Variants in TMEM244 observed in about 807,000 individuals in gnomAD.
TMEM244 encodes the protein transmembrane protein 244.
Under a neutral mutation model 15.8 loss-of-function variants are expected in TMEM244, and 13 were observed. The observed-to-expected ratio is 0.82, with a 90% CI of 0.53 to 1.30. The LOEUF (loss-of-function observed/expected upper bound fraction) is 1.30. TMEM244 is among the 50% of genes most tolerant of loss of function. TMEM244 has a pLI of 0.00. For synonymous variants in TMEM244, 45 were observed against 48.7 expected (o/e 0.92, Z 0.32); for missense variants, 161 against 144.9 (o/e 1.11, Z -0.57).
chr6:129,850,974 T>C (rs1050484480), intron 1 of TMEM244, among the ~76,000 whole-genome samples: 1 of 152,194 alleles, frequency 6.6e-6, no homozygotes, highest in Non-Finnish European at 1.5e-5. Flanking sequence ...ATTGACTCTT[T>C]ATTGAAGGAT....
intron 1 of TMEM244, among the ~76,000 whole-genome samples, chr6:129,848,718 G>A (rs763252647): frequency 7.9e-5 from 12 of 152,174 alleles, no homozygotes; most frequent in Non-Finnish European, 1.6e-4. Context: ...GTAATAGGGA[G>A]CATCTTGGAG....
At chr6:129,852,920 C>T (rs1418137698) in intron 1 of TMEM244, among the ~76,000 whole-genome samples, 1 of 152,134 alleles carries the variant, frequency 6.6e-6, no homozygotes, top group Non-Finnish European at 1.5e-5. Flanking sequence ...ACCTGGTGCT[C>T]CTCAGGTAGA....
chr6:129,833,517 A>G lies in TMEM244; in HGVS notation c.262T>C (p.Trp88Arg). The G allele has an allele frequency of 1.2e-6, 2 of 1,613,426 alleles. No individual in the cohort carries two copies. Among genetic ancestry groups the G allele is most frequent in the South Asian group, 1.1e-5 (1 of 91,032 alleles). The change falls in exon 4 of 5, where the codon TGG (tryptophan) becomes CGG (arginine). Residue 88 changes from tryptophan to arginine, a missense_variant. Transcript: ENST00000368143. ...ACTGAAATAGCATAATCCCAAACCC[A>G]TTCTTCCACAACTGGAACAAAAAAC... Reference protein sequence around the residue: ...GLFFVPVVEEWVWDYAISVTI... With the variant: ...GLFFVPVVEERVWDYAISVTI...
chr6:129,858,243 T>G (rs1302551772), intron 1 of TMEM244, among the ~76,000 whole-genome samples: 1 of 152,210 alleles, frequency 6.6e-6, no homozygotes, highest in Non-Finnish European at 1.5e-5. Context: ...AAAACTTTCT[T>G]GTGGCTTTTC....
intron 1 of TMEM244, among the ~76,000 whole-genome samples, chr6:129,855,225 T>C (rs1345898056): frequency 6.6e-6 from 1 of 152,166 alleles, no homozygotes; most frequent in Non-Finnish European, 1.5e-5. Context: ...AAGAAACACA[T>C]ACCCAAACTT....
intron 2 of TMEM244, among the ~76,000 whole-genome samples, chr6:129,844,258 T>C (rs906011311): frequency 6.6e-6 from 1 of 152,196 alleles, no homozygotes. Flanking sequence ...TCCAATTAAG[T>C]TCCACTTTGT....
At chr6:129,858,789 G>A (rs1470658890) in intron 1 of TMEM244, among the ~76,000 whole-genome samples, 2 of 146,734 alleles carry the variant, frequency 1.4e-5, no homozygotes, top group Non-Finnish European at 3.0e-5. Context: ...ACTATAGTAG[G>A]AACCATAGTC....
intron 1 of TMEM244, among the ~76,000 whole-genome samples, chr6:129,846,961 A>C (rs955414339): frequency 1.3e-5 from 2 of 152,222 alleles, no homozygotes; most frequent in African/African-American, 4.8e-5. Flanking sequence ...AAATCCCATT[A>C]GATTCCAGTC....
At chr6:129,849,774 G>T (rs1242846507) in intron 1 of TMEM244, among the ~76,000 whole-genome samples, 1 of 152,022 alleles carries the variant, frequency 6.6e-6, no homozygotes, top group Admixed American at 6.6e-5. Context: ...AATGAGTCAA[G>T]AAATGGCTGC....
chr6:129,837,360 A>G (rs929081588), intron 3 of TMEM244, among the ~76,000 whole-genome samples: 1 of 152,224 alleles, frequency 6.6e-6, no homozygotes, highest in African/African-American at 2.4e-5. Context: ...AATCCTTTAC[A>G]GAGAAGCAAA....
At chr6:129,839,422 C>A (rs542006189) in intron 3 of TMEM244, among the ~76,000 whole-genome samples, 1 of 152,106 alleles carries the variant, frequency 6.6e-6, no homozygotes, top group African/African-American at 2.4e-5. Context: ...ATTGATGGAA[C>A]GCGTCTCAAA....
chr6:129,835,699 C>T (rs1776395034), intron 3 of TMEM244, among the ~76,000 whole-genome samples: 2 of 152,164 alleles, frequency 1.3e-5, no homozygotes, highest in Non-Finnish European at 2.9e-5. Flanking sequence ...GCACTCCTGA[C>T]AAAATACTGC....
At chr6:129,839,187 C>T (rs1776451258) in intron 3 of TMEM244, among the ~76,000 whole-genome samples, 1 of 152,144 alleles carries the variant, frequency 6.6e-6, no homozygotes, top group Non-Finnish European at 1.5e-5. Context: ...CAGTAAAATA[C>T]TGTCAAACCG....
chr6:129,855,207 T>C (rs756431978), intron 1 of TMEM244, among the ~76,000 whole-genome samples: 4 of 152,160 alleles, frequency 2.6e-5, no homozygotes, highest in Non-Finnish European at 5.9e-5. Context: ...TTTACTTCAC[T>C]AACAATAAAG....
intron 1 of TMEM244, among the ~76,000 whole-genome samples, chr6:129,858,334 T>C (rs1018072042): frequency 2.1e-4 from 32 of 152,144 alleles, no homozygotes; most frequent in African/African-American, 7.7e-4. Context: ...TTTTGTGAAA[T>C]CTAGGCCTAG....
At chr6:129,844,649 T>G (rs1375605928) in intron 2 of TMEM244, among the ~76,000 whole-genome samples, 1 of 152,214 alleles carries the variant, frequency 6.6e-6, no homozygotes, top group Non-Finnish European at 1.5e-5. Flanking sequence ...TGACTCATGT[T>G]AACTACAAAC....
At chr6:129,833,668 G>T in intron 3 of TMEM244, 83 bp from the exon 4 acceptor site, 2 of 1,365,100 alleles carry the variant, frequency 1.5e-6, no homozygotes, top group South Asian at 1.5e-5. Flanking sequence ...GACCAGGAAA[G>T]CTTACTTTGA....
chr6:129,840,378 T>C (rs374790293), intron 3 of TMEM244, among the ~76,000 whole-genome samples: 3 of 152,120 alleles, frequency 2.0e-5, no homozygotes, highest in Non-Finnish European at 4.4e-5. Flanking sequence ...GCTAGCCATA[T>C]GCAGAAAACT....
At chr6:129,857,317 T>A (rs1004641406) in intron 1 of TMEM244, among the ~76,000 whole-genome samples, 15 of 148,742 alleles carry the variant, frequency 1.0e-4, no homozygotes, top group African/African-American at 3.2e-4. Context: ...TATGTGTGTA[T>A]ACACACACAC....
Sources: allele counts gnomAD v4.1 joint callset (sites outside exome capture counted in the v4.1 genomes callset), GRCh38; gene constraint gnomAD v4.1.1; transcripts MANE v1.5; gene names NCBI Gene and HGNC (gene_info 2026-07-23, HGNC 2026-07-21).